The following FYB2 variants were observed in gnomAD, a reference collection of about 807,000 sequenced individuals.
FYB2 encodes FYN binding protein 2, also known as FYN-binding protein 2.
FYB2 carries 103 observed loss-of-function variants against 94.1 expected under a neutral mutation model. The ratio of observed to expected loss-of-function variants is 1.09; its 90% CI spans 0.93 to 1.29. The LOEUF is 1.29. Among genes scored for constraint, FYB2 ranks in the 50% most tolerant of loss-of-function variants. The pLI, the probability that FYB2 is intolerant of heterozygous loss-of-function variation, is 0.00. For missense variants in FYB2, 896 were observed against 841.5 expected, an observed-to-expected ratio of 1.06 and a Z score of -0.80; for synonymous variants, 293 against 287.9, an observed-to-expected ratio of 1.02 and a Z score of -0.18.
In FYB2 at chr1:56,792,593, G is replaced by A; in HGVS notation, c.220C>T (p.Leu74Phe). 6.2e-7 allele frequency: 1 copy of A among 1,614,118 alleles called. No homozygotes were observed. The highest frequency in any genetic ancestry group is 1.1e-5 in the South Asian group (1 of 91,074). ...PYCSSSESQPLQPQKIKLAQK... is the reference protein window; with the variant it reads ...PYCSSSESQPFQPQKIKLAQK... ...GCCAACTTTATTTTCTGAGGTTGAA[G>A]AGGCTGGGACTCACTACTGGAACAG... is the stretch of plus-strand genomic sequence containing the variant. The change falls in exon 2 of 20, where the codon CTT (leucine) becomes TTT (phenylalanine). Residue 74 changes from leucine to phenylalanine, a missense_variant. By Grantham distance (22) the Leu-to-Phe change is conservative (BLOSUM62 0). Coordinates refer to ENST00000343433, the MANE Select transcript of FYB2 (RefSeq NM_001004303.5).
intron 4 of FYB2, among the ~76,000 whole-genome samples, chr1:56,780,511 C>G (rs1160470564): frequency 6.6e-6 from 1 of 152,172 alleles, no homozygotes; most frequent in Non-Finnish European, 1.5e-5. Flanking sequence ...TGCTCTGGAT[C>G]CAGGCTGACC....
chr1:56,743,677 T>C (rs1193110008), intron 11 of FYB2, among the ~76,000 whole-genome samples: 3 of 152,050 alleles, frequency 2.0e-5, no homozygotes, highest in Admixed American at 2.0e-4. Flanking sequence ...TCAAGGACTC[T>C]AGATCATGTC....
chr1:56,786,841 C>T (rs1359872587), intron 4 of FYB2, among the ~76,000 whole-genome samples: 2 of 152,154 alleles, frequency 1.3e-5, no homozygotes, highest in Non-Finnish European at 2.9e-5. Context: ...TTACCAATTC[C>T]TAACATCACA....
At chr1:56,765,335 G>A (rs1426956517) in intron 5 of FYB2, among the ~76,000 whole-genome samples, 1 of 152,150 alleles carries the variant, frequency 6.6e-6, no homozygotes, top group Non-Finnish European at 1.5e-5. Flanking sequence ...TGCTGGAAGG[G>A]GAGTGAAAGT....
chr1:56,764,137 A>G (rs933375633), intron 5 of FYB2, among the ~76,000 whole-genome samples: 2 of 152,070 alleles, frequency 1.3e-5, no homozygotes, highest in Middle Eastern at 3.4e-3. Flanking sequence ...TATTTTTAGT[A>G]GAGACGAGGT....
intron 6 of FYB2, among the ~76,000 whole-genome samples, chr1:56,756,217 CG>C (rs1645326815): frequency 1.3e-5 from 2 of 152,132 alleles, no homozygotes; most frequent in Non-Finnish European, 2.9e-5. Context: ...GCATCGGAAA[CG>C]TAAATAACTT....
At chr1:56,802,284 C>A (rs1008344585) in intron 1 of FYB2, among the ~76,000 whole-genome samples, 1 of 152,194 alleles carries the variant, frequency 6.6e-6, no homozygotes, top group Non-Finnish European at 1.5e-5. Context: ...AAGGACTATG[C>A]CTTTCCATCA....
intron 4 of FYB2, among the ~76,000 whole-genome samples, chr1:56,777,413 C>T (rs1774817): frequency 0.8 from 120,961 of 152,074 alleles, 48,985 homozygotes; most frequent in East Asian, 0.95. Context: ...CCTGGATCTT[C>T]TAATTTTTAA....
chr1:56,725,085 A>T (rs1644557821), intron 16 of FYB2, among the ~76,000 whole-genome samples: 1 of 151,996 alleles, frequency 6.6e-6, no homozygotes, highest in Non-Finnish European at 1.5e-5. Context: ...CCATGAGTAG[A>T]AGCAGCCTGA....
intron 16 of FYB2, among the ~76,000 whole-genome samples, chr1:56,725,517 T>C (rs549148616): frequency 1.3e-5 from 2 of 152,198 alleles, no homozygotes; most frequent in Admixed American, 6.6e-5. Context: ...ATCAACATAC[T>C]AAAAAGCTTT....
chr1:56,771,455 T>G (rs776160007), intron 4 of FYB2, among the ~76,000 whole-genome samples: 1 of 152,162 alleles, frequency 6.6e-6, no homozygotes, highest in Non-Finnish European at 1.5e-5. Flanking sequence ...ACATACTAAA[T>G]GGATACACTC....
chr1:56,803,899 C>T (rs1315032819), intron 1 of FYB2, among the ~76,000 whole-genome samples: 1 of 152,178 alleles, frequency 6.6e-6, no homozygotes. Context: ...CCATCAATGG[C>T]CCCTTCAAAG....
intron 4 of FYB2, among the ~76,000 whole-genome samples, chr1:56,774,348 A>G (rs1645827333): frequency 6.6e-6 from 1 of 152,116 alleles, no homozygotes; most frequent in Non-Finnish European, 1.5e-5. Context: ...AATTTATGCC[A>G]TGCTTAGCGT....
intron 16 of FYB2, among the ~76,000 whole-genome samples, chr1:56,723,903 C>A (rs570915794): frequency 6.6e-6 from 1 of 152,006 alleles, no homozygotes; most frequent in South Asian, 2.1e-4. Flanking sequence ...TCCATTAGAG[C>A]AAATTGTCAA....
chr1:56,768,873 T>C (rs148978845), intron 4 of FYB2, among the ~76,000 whole-genome samples: 7 of 152,148 alleles, frequency 4.6e-5, no homozygotes, highest in South Asian at 4.2e-4. Flanking sequence ...ATAAAAGCCA[T>C]TAGGTAAAAA....
chr1:56,762,447 T>C (rs1570048156), intron 5 of FYB2, among the ~76,000 whole-genome samples: 1 of 152,248 alleles, frequency 6.6e-6, no homozygotes, highest in East Asian at 1.9e-4. Context: ...CTTATCATGC[T>C]TTGTAGGATT....
chr1:56,821,719 A>G (rs58816092), upstream of FYB2, among the ~76,000 whole-genome samples: 12,667 of 152,254 alleles, frequency 0.083, 637 homozygotes, highest in East Asian at 0.2. Context: ...TTGGATATAC[A>G]AATGAAGTAG....
At chr1:56,723,547 C>T (rs1644527654) in intron 17 of FYB2, 41 bp downstream of exon 17, 2 of 1,183,114 alleles carry the variant, frequency 1.7e-6, no homozygotes, top group East Asian at 5.0e-5. Context: ...AAGCTCCTAG[C>T]TGTTAATATT....
chr1:56,812,236 T>C (rs956718897), intron 1 of FYB2, among the ~76,000 whole-genome samples: 5 of 152,212 alleles, frequency 3.3e-5, no homozygotes, highest in African/African-American at 1.2e-4. Context: ...AGTGATTTGC[T>C]CAAGGTCATA....
Sources: allele counts gnomAD v4.1 joint callset (sites outside exome capture counted in the v4.1 genomes callset), GRCh38; gene constraint gnomAD v4.1.1; transcripts MANE v1.5; gene names NCBI Gene and HGNC (gene_info 2026-07-23, HGNC 2026-07-21).